CTNND2: variants seen among roughly 807,000 people sequenced by gnomAD.
CTNND2 encodes catenin delta 2, also known as catenin delta-2.
CTNND2 carries 22 observed loss-of-function variants against 144.4 expected under a neutral mutation model. That is an observed-to-expected ratio of 0.15 (90% confidence interval 0.11 to 0.22). The LOEUF is 0.22. CTNND2 is among the 10% of genes least tolerant of loss of function. CTNND2 has a pLI of 1.00. For synonymous variants in CTNND2, 751 were observed against 695.6 expected, an observed-to-expected ratio of 1.08 and a Z score of -1.25; for missense variants, 1,353 against 1,618.8, an observed-to-expected ratio of 0.84 and a Z score of 2.82.
At chr5:11,344,450 GTATTATAT>G (rs1204377768) in intron 9 of CTNND2, among the ~76,000 whole-genome samples, 1 of 151,842 alleles carries the variant, frequency 6.6e-6, no homozygotes, top group African/African-American at 2.4e-5. Context: ...GACAAGAAAG[GTATTATAT>G]TACTACACTT....
At chr5:11,743,983 A>G (rs1397628639) in intron 1 of CTNND2, among the ~76,000 whole-genome samples, 1 of 152,128 alleles carries the variant, frequency 6.6e-6, no homozygotes. Context: ...TTATGTGTGA[A>G]GGTAAAAAGG....
chr5:11,780,402 CT>C (rs1790483129), intron 1 of CTNND2, among the ~76,000 whole-genome samples: 1 of 152,316 alleles, frequency 6.6e-6, no homozygotes, highest in African/African-American at 2.4e-5. Flanking sequence ...TGTCTCCCAA[CT>C]TTCCCAGTGA....
chr5:11,689,719 G>A (rs1784810365), intron 2 of CTNND2, among the ~76,000 whole-genome samples: 1 of 151,678 alleles, frequency 6.6e-6, no homozygotes, highest in Non-Finnish European at 1.5e-5. Context: ...CACTTGAGAA[G>A]CAAAAGTGGT....
intron 1 of CTNND2, among the ~76,000 whole-genome samples, chr5:11,865,576 G>T (rs1308854010): frequency 1.3e-5 from 2 of 152,122 alleles, no homozygotes; most frequent in African/African-American, 4.8e-5. Flanking sequence ...AGTTGGATCA[G>T]TGTGGGAAGC....
intron 1 of CTNND2, among the ~76,000 whole-genome samples, chr5:11,793,225 C>A (rs1004171985): frequency 2.0e-5 from 3 of 152,174 alleles, no homozygotes; most frequent in Non-Finnish European, 4.4e-5. Context: ...CGAGGCCCCA[C>A]GTCTGATCTG....
At chr5:11,796,690 T>C (rs548277462) in intron 1 of CTNND2, among the ~76,000 whole-genome samples, 3 of 152,342 alleles carry the variant, frequency 2.0e-5, no homozygotes, top group Middle Eastern at 3.4e-3. Flanking sequence ...TAAAATCATA[T>C]GACTTAGGGC....
intron 15 of CTNND2, among the ~76,000 whole-genome samples, chr5:11,088,561 T>G (rs1750422220): frequency 6.6e-6 from 1 of 152,224 alleles, no homozygotes. Flanking sequence ...CTGGACTTCA[T>G]GTTTTTCTTT....
At chr5:11,157,872 G>A (rs1409484755) in intron 12 of CTNND2, among the ~76,000 whole-genome samples, 1 of 152,164 alleles carries the variant, frequency 6.6e-6, no homozygotes, top group East Asian at 1.9e-4. Context: ...AGACAGGGAT[G>A]GGGAGTCATT....
chr5:11,414,312 T>C (rs973661234), intron 3 of CTNND2, among the ~76,000 whole-genome samples: 2 of 152,254 alleles, frequency 1.3e-5, no homozygotes, highest in East Asian at 3.9e-4. Context: ...AGTCACCCAG[T>C]TGTGGTAATT....
At chr5:11,300,663 A>G (rs1749494580) in intron 9 of CTNND2, among the ~76,000 whole-genome samples, 1 of 151,664 alleles carries the variant, frequency 6.6e-6, no homozygotes, top group Non-Finnish European at 1.5e-5. Flanking sequence ...TCCAGGCAAT[A>G]TTTGGAACTT....
intron 19 of CTNND2, 41 bp downstream of exon 19, chr5:10,992,510 G>A (rs1452563996): frequency 4.3e-6 from 7 of 1,612,498 alleles, no homozygotes; most frequent in Non-Finnish European, 5.9e-6. Flanking sequence ...TTTGCTCAAC[G>A]AGAAATAAAG....
intron 2 of CTNND2, chr5:11,588,824 T>G (rs751124257): frequency 1.0e-6 from 1 of 985,056 alleles, no homozygotes; most frequent in African/African-American, 1.7e-5. Context: ...AGATGAAGGG[T>G]TACTCTTCCC....
At chr5:11,656,954 G>T (rs889595258) in intron 2 of CTNND2, among the ~76,000 whole-genome samples, 5 of 152,092 alleles carry the variant, frequency 3.3e-5, no homozygotes, top group Non-Finnish European at 5.9e-5. Flanking sequence ...AACGCTCTAA[G>T]GGCTTTGAGT....
intron 9 of CTNND2, among the ~76,000 whole-genome samples, chr5:11,240,397 A>ACACACACACCC (rs1309617927): frequency 8.7e-6 from 1 of 115,466 alleles, no homozygotes; most frequent in Non-Finnish European, 1.7e-5. Flanking sequence ...CACACACCCA[A>ACACACACACCC]CACACACACC....
intron 5 of CTNND2, among the ~76,000 whole-genome samples, chr5:11,404,602 C>CTTTATTTTTTTTTTTTTTTTTTTTTTTT (rs1760927008): frequency 1.7e-5 from 1 of 57,368 alleles, no homozygotes. Context: ...TATCTGTATT[C>CTTTATTTTTTTTTTTTTTTTTTTTTTTT]TTTTTTTTTT....
chr5:11,761,968 T>C (rs558946384), intron 1 of CTNND2, among the ~76,000 whole-genome samples: 23 of 152,284 alleles, frequency 1.5e-4, no homozygotes, highest in African/African-American at 5.3e-4. Context: ...GTCACATATA[T>C]ATAGATTAAG....
chr5:11,124,889 T>C (rs1272704679), intron 12 of CTNND2, among the ~76,000 whole-genome samples: 1 of 152,206 alleles, frequency 6.6e-6, no homozygotes, highest in Non-Finnish European at 1.5e-5. Flanking sequence ...CTAAACTGTC[T>C]AAAAACATCT....
chr5:11,083,093 T>A (rs770554052), intron 15 of CTNND2, among the ~76,000 whole-genome samples: 1 of 152,248 alleles, frequency 6.6e-6, no homozygotes, highest in Non-Finnish European at 1.5e-5. Context: ...TTTGTGACAC[T>A]GTTTTCAGTA....
intron 3 of CTNND2, among the ~76,000 whole-genome samples, chr5:11,450,436 T>C (rs955986205): frequency 6.6e-6 from 1 of 152,194 alleles, no homozygotes; most frequent in Non-Finnish European, 1.5e-5. Flanking sequence ...TGAAGGATGT[T>C]GTATTGTCAA....
Sources: allele counts gnomAD v4.1 joint callset (sites outside exome capture counted in the v4.1 genomes callset), GRCh38; gene constraint gnomAD v4.1.1; transcripts MANE v1.5; gene names NCBI Gene and HGNC (gene_info 2026-07-23, HGNC 2026-07-21).